The following DNAH12 variants were observed in gnomAD, a reference collection of about 807,000 sequenced individuals.
DNAH12 encodes the protein axonemal beta dynein heavy chain 12.
Under a neutral mutation model 371.5 loss-of-function variants are expected in DNAH12, and 285 were observed. That is an observed-to-expected ratio of 0.77 (90% confidence interval 0.70 to 0.85). The LOEUF (loss-of-function observed/expected upper bound fraction) is 0.85, where lower values mean the gene tolerates loss of function less well. Among genes scored for constraint, DNAH12 ranks in the 40% least tolerant of loss-of-function variants. DNAH12 has a pLI of 0.00. For missense variants in DNAH12, 3,611 were observed against 3,689.4 expected, an observed-to-expected ratio of 0.98 and a Z score of 0.55; for synonymous variants, 1,200 against 1,213.0, an observed-to-expected ratio of 0.99 and a Z score of 0.22.
rs761510160 is a variant in DNAH12, at chr3:57,509,146, G to A, written c.536C>T (p.Ser179Phe). Residue 179 changes from serine (S) to phenylalanine (F), a missense_variant, in exon 6 of 74, where the codon TCT becomes TTT. Coordinates refer to ENST00000495027, the MANE Select transcript of DNAH12 (RefSeq NM_001366028.2). Reference sequence around the variant, plus strand: ...TTTAAAATAATTTACTCACACAGGAGATTCAGGTAAAGGACCTCCTTCATC... The same window carrying A: ...TTTAAAATAATTTACTCACACAGGAAATTCAGGTAAAGGACCTCCTTCATC... ...LEDEGGPLPE[S>F]PVGLDYSNPW... is the part of the protein sequence containing the mutation. 6.2e-7 allele frequency: 1 copy of A among 1,611,968 alleles called. No individual in the cohort carries two copies. The highest frequency in any genetic ancestry group is 1.1e-5 in the South Asian group (1 of 90,422).
intron 5 of DNAH12, 83 bp downstream of exon 5, chr3:57,510,707 T>G: frequency 8.2e-7 from 1 of 1,216,262 alleles, no homozygotes; most frequent in African/African-American, 1.5e-5. Context: ...CATTACTCAT[T>G]TTGCTTATTT....
At chr3:57,523,438 T>C (rs981899409) in intron 4 of DNAH12, 145 bp downstream of exon 4, 56 of 642,690 alleles carry the variant, frequency 8.7e-5, no homozygotes, top group Non-Finnish European at 2.5e-5. Context: ...ACATGTTTGC[T>C]CCCTTGGGAA....
intron 43 of DNAH12, among the ~76,000 whole-genome samples, chr3:57,400,821 G>T (rs2063841259): frequency 6.6e-6 from 1 of 152,112 alleles, no homozygotes; most frequent in Non-Finnish European, 1.5e-5. Flanking sequence ...CCTGACAGAA[G>T]ATCAATAAGG....
At chr3:57,338,088 C>T (rs765784848) in intron 60 of DNAH12, among the ~76,000 whole-genome samples, 1 of 152,224 alleles carries the variant, frequency 6.6e-6, no homozygotes, top group Non-Finnish European at 1.5e-5. Context: ...TCTTGGCTCG[C>T]TGCAACCTCC....
At chr3:57,485,407 C>CTTTTT in intron 12 of DNAH12, among the ~76,000 whole-genome samples, 1 of 149,302 alleles carries the variant, frequency 6.7e-6, no homozygotes. Flanking sequence ...GGCCATTATT[C>CTTTTT]TTTTTTTTTT....
chr3:57,328,882 T>C (rs2062016610), intron 62 of DNAH12, among the ~76,000 whole-genome samples: 1 of 130,526 alleles, frequency 7.7e-6, no homozygotes, highest in Non-Finnish European at 1.6e-5. Context: ...ACAAAATCAA[T>C]GTACAAAAAT....
chr3:57,403,533 T>G, intron 42 of DNAH12, 32 bp from the exon 43 acceptor site: 10 of 1,495,564 alleles, frequency 6.7e-6, no homozygotes, highest in African/African-American at 1.4e-5. Context: ...ATTAATGCAT[T>G]ACAATATAAA....
At chr3:57,389,034 C>A (rs1166169343) in intron 45 of DNAH12, among the ~76,000 whole-genome samples, 5 of 151,994 alleles carry the variant, frequency 3.3e-5, no homozygotes, top group Non-Finnish European at 7.4e-5. Context: ...GCACATGTAC[C>A]CTAGAACTTA....
intron 55 of DNAH12, among the ~76,000 whole-genome samples, chr3:57,371,718 C>T (rs918521376): frequency 1.3e-5 from 2 of 150,984 alleles, no homozygotes; most frequent in Non-Finnish European, 2.9e-5. Flanking sequence ...CACCTGGACA[C>T]ATCAAACTGC....
At chr3:57,442,232 C>T (rs2065330055) in intron 29 of DNAH12, among the ~76,000 whole-genome samples, 1 of 151,106 alleles carries the variant, frequency 6.6e-6, no homozygotes, top group African/African-American at 2.4e-5. Context: ...AAAATGAAAA[C>T]ATATATCTGC....
Position 57,310,741 on chromosome 3 carries a change from A to G in DNAH12, c.10872T>C (p.Tyr3624=), listed in dbSNP as rs756733435. 5 of 1,550,854 alleles carry G rather than the reference A, an allele frequency of 3.2e-6. No individual in the cohort carries two copies. In the African/African-American group the frequency reaches 5.5e-5, roughly 17 times the overall value. The part of the protein sequence containing the change: ...GNYFAPPKGT[Y]EDYIEFIKKL... ...CCTTAATGAATTCAATGTAGTCCTC[A>G]TAAGTGCCTTTAGGAGGTGCAAAAT... is the stretch of plus-strand genomic sequence containing the variant. Residue 3624 remains tyrosine (Y), a synonymous_variant, in exon 67 of 74, where the codon TAT becomes TAC. Coordinates refer to ENST00000495027, the MANE Select transcript of DNAH12 (RefSeq NM_001366028.2).
chr3:57,341,861 A>T (rs2062409516), intron 60 of DNAH12, among the ~76,000 whole-genome samples: 2 of 129,014 alleles, frequency 1.6e-5, no homozygotes, highest in South Asian at 5.3e-4. Flanking sequence ...CAGGCTTCGA[A>T]ATATACTACC....
Position 57,352,027 on chromosome 3 carries a change from T to G in DNAH12, c.9674+58A>C. ...TCTGTGAGAAGACATATTCACAGAT[T>G]TGATTTTCCAGGGAGGTTTTAAAAA... On this transcript the variant is annotated intron_variant, in intron 60 of 73. Coordinates refer to ENST00000495027, the MANE Select transcript of DNAH12 (RefSeq NM_001366028.2). The G allele has an allele frequency of 2.8e-6, 4 of 1,445,348 alleles. No homozygotes were observed. The South Asian group carries it at 6.0e-5, about 21-fold the overall frequency. 89.5% of individuals were successfully genotyped at this position (1,445,348 alleles called of 1,614,324 possible). A position where few individuals can be genotyped will look rare whatever the true frequency, so the allele number is the denominator to read the frequency against.
chr3:57,553,079 G>A, the DNAH12 span, among the ~76,000 whole-genome samples: 1 of 152,084 alleles, frequency 6.6e-6, no homozygotes, highest in Non-Finnish European at 1.5e-5. Flanking sequence ...AGGAGGCTGA[G>A]GCAGGAGAAT....
chr3:57,419,889 T>C (rs961796380), intron 36 of DNAH12, among the ~76,000 whole-genome samples: 3 of 152,218 alleles, frequency 2.0e-5, no homozygotes, highest in African/African-American at 7.2e-5. Context: ...TCCTTTTGCA[T>C]ACATTGAGTA....
At position 57,323,249 on chromosome 3, in the gene DNAH12, A is replaced by G; in HGVS notation, c.10141T>C (p.Phe3381Leu). 6.4e-7 allele frequency: 1 copy of G among 1,551,206 alleles called. No individual in the cohort carries two copies. Among genetic ancestry groups the G allele is most frequent in the Non-Finnish European group, 8.7e-7 (1 of 1,146,976 alleles). Residue 3381 changes from phenylalanine to leucine, a missense_variant, in exon 64 of 74, where the codon TTT (phenylalanine) becomes CTT (leucine). Physicochemically the swap from Phe to Leu is conservative, Grantham distance 22. Transcript: ENST00000495027. ...CCAGACATAGATTTATCATTTGCAA[A>G]TTTCAGCAGGCCTATAAGAGGCACA... ...GADPMASLLKFANDKSMSGNK... is the reference protein window; with the variant it reads ...GADPMASLLKLANDKSMSGNK...
At chr3:57,467,684 AG>A (rs1469229140) in intron 17 of DNAH12, among the ~76,000 whole-genome samples, 2 of 152,172 alleles carry the variant, frequency 1.3e-5, no homozygotes, top group African/African-American at 4.8e-5. Flanking sequence ...TGTCATTTTC[AG>A]GAAGTATGCA....
Position 57,446,173 on chromosome 3 carries a change from A to C in DNAH12, c.4037T>G (p.Leu1346Arg), listed in dbSNP as rs1249620690. Residue 1346 changes from leucine to arginine, a missense_variant, in exon 27 of 74, where the codon CTT becomes CGT. By Grantham distance (102) the Leu-to-Arg change is moderately radical. This residue lies in a region of DNAH12 where 2,266 missense variants were observed against 2,236.9 expected (regional missense o/e 1.01). Transcript: ENST00000495027. ...EVLSVVAQQI[L>R]CIQRAIQQKL... is the part of the protein sequence containing the mutation. Reference sequence around the variant, plus strand: ...CTGTTGAATAGCTCTCTGAATGCAAAGGATCTGTTGAGCTACCACTGACAA... The same window carrying C: ...CTGTTGAATAGCTCTCTGAATGCAACGGATCTGTTGAGCTACCACTGACAA... 2 of 1,551,636 alleles carry C rather than the reference A, an allele frequency of 1.3e-6. No homozygotes were observed. Among genetic ancestry groups the C allele is most frequent in the African/African-American group, 2.7e-5 (2 of 73,046 alleles).
intron 4 of DNAH12, among the ~76,000 whole-genome samples, chr3:57,523,044 G>A (rs1316465597): frequency 6.6e-6 from 1 of 151,806 alleles, no homozygotes; most frequent in Admixed American, 6.6e-5. Flanking sequence ...AAATATTTAC[G>A]TAATTAATCT....
Sources: gnomAD v4.1 joint callset for allele counts (sites outside exome capture counted in the v4.1 genomes callset) on GRCh38, gnomAD v4.1.1 for gene constraint, gnomAD v4.1.1 regional missense constraint, MANE v1.5 for transcripts, NCBI Gene and HGNC (gene_info 2026-07-23, HGNC 2026-07-21) for gene names.